The following FUT9 variants were observed in gnomAD, a reference collection of about 807,000 sequenced individuals.
FUT9 encodes the protein fucosyltransferase 9, also known as 4-galactosyl-N-acetylglucosaminide 3-alpha-L-fucosyltransferase 9.
Under a neutral mutation model 29.7 loss-of-function variants are expected in FUT9, and 15 were observed. The ratio of observed to expected loss-of-function variants is 0.51; its 90% CI spans 0.34 to 0.78. FUT9 has a LOEUF of 0.78. Ranked by LOEUF, FUT9 falls within the 30% of genes least tolerant of loss-of-function variation. The probability of loss-of-function intolerance (pLI) is 0.01; values close to 1 mark genes in which losing one functional copy is unlikely to be tolerated. For synonymous variants in FUT9, 169 were observed against 153.7 expected (o/e 1.10, Z -0.74); for missense variants, 319 against 425.4 (o/e 0.75, Z 2.20).
chr6:96,038,472 T>A (rs1487075844), intron 1 of FUT9, among the ~76,000 whole-genome samples: 1 of 152,170 alleles, frequency 6.6e-6, no homozygotes, highest in Non-Finnish European at 1.5e-5. Context: ...TGTGGGAGAC[T>A]ATGAGGAAAA....
At chr6:96,150,828 T>A (rs1398413383) in intron 2 of FUT9, among the ~76,000 whole-genome samples, 2 of 152,172 alleles carry the variant, frequency 1.3e-5, no homozygotes, top group African/African-American at 2.4e-5. Flanking sequence ...ATAATTATAA[T>A]GAAAGGTTTA....
intron 1 of FUT9, among the ~76,000 whole-genome samples, chr6:96,088,951 C>A (rs1771367136): frequency 7.4e-6 from 1 of 134,426 alleles, no homozygotes; most frequent in Non-Finnish European, 1.6e-5. Context: ...ACAGCTTTGA[C>A]CATTTCCTTT....
chr6:96,156,607 A>G (rs556233295), intron 2 of FUT9, among the ~76,000 whole-genome samples: 1 of 152,106 alleles, frequency 6.6e-6, no homozygotes, highest in Non-Finnish European at 1.5e-5. Flanking sequence ...TGGACCCTTA[A>G]TCTTCTCCGG....
chr6:96,171,877 A>C (rs1216591516), intron 2 of FUT9, among the ~76,000 whole-genome samples: 1 of 152,192 alleles, frequency 6.6e-6, no homozygotes, highest in Middle Eastern at 3.2e-3. Flanking sequence ...ATTACCTAGC[A>C]GAATAAAGAA....
rs533590841 is a variant in FUT9, at chr6:96,214,630, G to C, written c.*10395G>C. 4.5e-4 allele frequency: 75 copies of C among 166,928 alleles called. No individual in the cohort carries two copies. Among genetic ancestry groups the C allele is most frequent in the African/African-American group, 1.8e-3 (73 of 41,498 alleles). The allele number at this position is 166,928 out of a possible 1,614,324, so 10.3% of individuals were successfully genotyped here. A position where few individuals can be genotyped will look rare whatever the true frequency, so the allele number is the denominator to read the frequency against. On this transcript the variant is annotated 3_prime_UTR_variant, in exon 3 of 3. Transcript: ENST00000302103. ...ATTCAGAAAACATACCTGTGCTTTT[G>C]AAAGGGCTTAATCCCAAACAGGTAA...
intron 2 of FUT9, among the ~76,000 whole-genome samples, chr6:96,151,388 A>T (rs1772672902): frequency 6.6e-6 from 1 of 152,214 alleles, no homozygotes; most frequent in African/African-American, 2.4e-5. Flanking sequence ...TCTGTCAAAG[A>T]GAATGAAGAA....
chr6:96,052,439 C>T (rs1770687825), intron 1 of FUT9, among the ~76,000 whole-genome samples: 1 of 152,182 alleles, frequency 6.6e-6, no homozygotes. Context: ...TTCCCTAATT[C>T]TTTCACCCCA....
intron 1 of FUT9, among the ~76,000 whole-genome samples, chr6:96,102,887 G>A (rs1771611815): frequency 6.6e-6 from 1 of 152,102 alleles, no homozygotes; most frequent in Admixed American, 6.5e-5. Context: ...ATGCTACACT[G>A]GAATGTGTGA....
Position 96,204,567 on chromosome 6 carries a change from T to A in FUT9, c.*332T>A, listed in dbSNP as rs552067796. ...TTATTGTTTCCACACTGATCAGCTG[T>A]TTAATCTATTTGGGAAATGAAGATG... On this transcript the variant is annotated 3_prime_UTR_variant, in exon 3 of 3. Transcript: ENST00000302103. 1 of 176,946 alleles carries A rather than the reference T, an allele frequency of 5.7e-6. No individual in the cohort carries two copies. The highest frequency in any genetic ancestry group is 2.4e-5 in the African/African-American group (1 of 41,926). The allele number at this position is 176,946 out of a possible 1,614,324, so 11.0% of individuals were successfully genotyped here.
chr6:96,121,415 C>G (rs940338471), intron 2 of FUT9, among the ~76,000 whole-genome samples: 1 of 152,084 alleles, frequency 6.6e-6, no homozygotes, highest in African/African-American at 2.4e-5. Context: ...TATAGCTACT[C>G]TACAAAGAGA....
At chr6:96,088,098 A>C (rs947901081) in intron 1 of FUT9, among the ~76,000 whole-genome samples, 2 of 152,102 alleles carry the variant, frequency 1.3e-5, no homozygotes, top group African/African-American at 4.8e-5. Context: ...ATATTACATA[A>C]TATGTCTTCT....
rs181769108 is a variant in FUT9 at position 96,171,788 on chromosome 6, C to A, written c.-8-31360C>A. On this transcript the variant is annotated intron_variant, in intron 2 of 2. Transcript: ENST00000302103. ...TCCATCACCTCATGGGATTTCTACTCTTGGTTCCCTTCATTCATCCTAACC... is the reference window on the plus strand; with the variant it reads ...TCCATCACCTCATGGGATTTCTACTATTGGTTCCCTTCATTCATCCTAACC... Among the ~76,000 whole-genome samples, 709 of 152,258 alleles carry A rather than the reference C, an allele frequency of 4.7e-3. 3 individuals are homozygous for A. The highest frequency in any genetic ancestry group is 6.8e-3 in the Middle Eastern group (2 of 294).
intron 2 of FUT9, among the ~76,000 whole-genome samples, chr6:96,120,619 T>G (rs1394520725): frequency 2.2e-5 from 2 of 88,958 alleles, no homozygotes; most frequent in Non-Finnish European, 4.9e-5. Context: ...TTTTTTTTTT[T>G]TCTGTACTAA....
rs142462420 is a variant in FUT9 at position 96,068,224 on chromosome 6, T to C, written c.-97-45815T>C. Among the ~76,000 whole-genome samples, 836 of 152,088 alleles carry C rather than the reference T, an allele frequency of 5.5e-3. 4 individuals are homozygous for C. Among genetic ancestry groups the C allele is most frequent in the African/African-American group, 0.019 (799 of 41,518 alleles). Reference sequence around the variant, plus strand: ...CATGTACAGGTCATATTTGAGGCCATGAAATAGCTTGGCTTGCCCAAGAGG... The same window carrying C: ...CATGTACAGGTCATATTTGAGGCCACGAAATAGCTTGGCTTGCCCAAGAGG... On this transcript the variant is annotated intron_variant, in intron 1 of 2. Transcript: ENST00000302103.
intron 2 of FUT9, among the ~76,000 whole-genome samples, chr6:96,116,919 A>C (rs763264485): frequency 6.6e-6 from 1 of 152,180 alleles, no homozygotes; most frequent in Non-Finnish European, 1.5e-5. Context: ...ACTGTACAAC[A>C]CAATGAGTAA....
intron 1 of FUT9, among the ~76,000 whole-genome samples, chr6:96,098,089 C>T (rs1255033627): frequency 7.4e-6 from 1 of 135,198 alleles, no homozygotes; most frequent in Non-Finnish European, 1.6e-5. Flanking sequence ...GACATACTGA[C>T]ACTTAAAAAA....
intron 2 of FUT9, among the ~76,000 whole-genome samples, chr6:96,134,983 A>C (rs777918262): frequency 1.8e-4 from 27 of 151,468 alleles, no homozygotes; most frequent in Non-Finnish European, 3.8e-4. Flanking sequence ...CTTGTCAAGT[A>C]GCTGCATGAC....
In FUT9 at chr6:96,070,522, C is replaced by T. The variant is rs945504093; in HGVS notation, c.-97-43517C>T. 7.9e-5 allele frequency among the ~76,000 whole-genome samples: 12 copies of T among 151,946 alleles called. 1 individual carries two copies. The highest frequency in any genetic ancestry group is 2.9e-4 in the African/African-American group (12 of 41,372). Reference sequence around the variant, plus strand: ...GCAACACGGGGAAACTCCATCTCTACAGAAAATACAAAAAGTTAGCTGGGC... The same window carrying T: ...GCAACACGGGGAAACTCCATCTCTATAGAAAATACAAAAAGTTAGCTGGGC... On this transcript the variant is annotated intron_variant, in intron 1 of 2. Coordinates refer to ENST00000302103, the MANE Select transcript of FUT9 (RefSeq NM_006581.4).
Position 96,210,295 on chromosome 6 carries a change from G to C in FUT9, c.*6060G>C, listed in dbSNP as rs1046607887. 3 of 166,872 alleles carry C rather than the reference G, an allele frequency of 1.8e-5. No homozygotes were observed. Among genetic ancestry groups the C allele is most frequent in the African/African-American group, 7.2e-5 (3 of 41,412 alleles). The allele number at this position is 166,872 out of a possible 1,614,324, so 10.3% of individuals were successfully genotyped here. A position where few individuals can be genotyped will look rare whatever the true frequency, so the allele number is the denominator to read the frequency against. On this transcript the variant is annotated 3_prime_UTR_variant, in exon 3 of 3. Transcript: ENST00000302103. ...TTGTATACCTAATTATTTCACACAAGAGCGTGGAACTCACCAGTCTTGTGA... is the reference window on the plus strand; with the variant it reads ...TTGTATACCTAATTATTTCACACAACAGCGTGGAACTCACCAGTCTTGTGA...
Sources: gnomAD v4.1 joint callset for allele counts (sites outside exome capture counted in the v4.1 genomes callset) on GRCh38, gnomAD v4.1.1 for gene constraint, MANE v1.5 for transcripts, NCBI Gene and HGNC (gene_info 2026-07-23, HGNC 2026-07-21) for gene names.